Variants in PRKDC observed in about 807,000 individuals in gnomAD.
PRKDC encodes the protein protein kinase, DNA-activated, catalytic subunit.
In PRKDC, 82 loss-of-function variants were observed where a neutral mutation model predicts 486.9. The observed-to-expected ratio is 0.17, with a 90% CI of 0.14 to 0.20. PRKDC has a LOEUF of 0.20. PRKDC is among the 10% of genes least tolerant of loss of function. The probability of loss-of-function intolerance (pLI) is 1.00; values close to 1 mark genes in which losing one functional copy is unlikely to be tolerated. For synonymous variants in PRKDC, 1,895 were observed against 1,837.0 expected (o/e 1.03, Z -0.81); for missense variants, 4,504 against 5,038.2 (o/e 0.89, Z 3.21).
intron 39 of PRKDC, among the ~76,000 whole-genome samples, chr8:47,878,230 C>T (rs1325373841): frequency 2.0e-5 from 3 of 151,666 alleles, no homozygotes; most frequent in Admixed American, 6.6e-5. Flanking sequence ...CTCAGCCTTC[C>T]GAGTAGCTGG....
At chr8:47,783,667 T>G (rs2086738271) in intron 78 of PRKDC, 75 bp downstream of exon 78, 1 of 1,454,456 alleles carries the variant, frequency 6.9e-7, no homozygotes, top group Admixed American at 1.7e-5. Flanking sequence ...TCTCATATAC[T>G]AAAGGCAAAC....
rs1324785672 is a variant in PRKDC at position 47,826,789 on chromosome 8, G to C, written c.8650C>G (p.Leu2884Val). Residue 2884 changes from leucine to valine, a missense_variant, in exon 63 of 86, where the codon CTA becomes GTA. Physicochemically the swap from Leu to Val is conservative, Grantham distance 32. This residue lies in a region of PRKDC where 1,592 missense variants were observed against 1,724.6 expected (regional missense o/e 0.92). Transcript: ENST00000314191. ...AGGCGGATGCCCACGGGCTGCTGTAGGCTGGCCAGGCAACCAGCGCTAACA... is the reference window on the plus strand; with the variant it reads ...AGGCGGATGCCCACGGGCTGCTGTACGCTGGCCAGGCAACCAGCGCTAACA... The part of the protein sequence containing the change: ...AAVSAGCLAS[L>V]QQPVGIRLLE... 3 of 1,609,726 alleles carry C rather than the reference G, an allele frequency of 1.9e-6. No individual in the cohort carries two copies. The highest frequency in any genetic ancestry group is 2.5e-6 in the Non-Finnish European group (3 of 1,178,292).
In PRKDC at chr8:47,778,720, G is replaced by A. The variant is rs758213000; in HGVS notation, c.11651+8C>T. 10 of 1,613,544 alleles carry A rather than the reference G, an allele frequency of 6.2e-6. No individual in the cohort carries two copies. The East Asian group carries it at 1.8e-4, about 29-fold the overall frequency. On this transcript the variant is annotated splice_region_variant and intron_variant, in intron 82 of 85. Transcript: ENST00000314191. ...TCCCACTAAGGGTGAGGGCAGAAGG[G>A]TACTTACTTTAAGAGATCAGCAGGC...
chr8:47,957,174 A>T lies in PRKDC; in HGVS notation c.321T>A (p.Ile107=), dbSNP rs1213151894. ...GQKIAPYSVE[I]KNTCTSVYTK... ...AGGTATGTTTTTTAATTCTTACCTT[A>T]ATTTCAACAGAGTAAGGTGCGATCT... Residue 107 remains isoleucine (I), a synonymous_variant, in exon 3 of 86, where the codon ATT becomes ATA. Coordinates refer to ENST00000314191, the MANE Select transcript of PRKDC (RefSeq NM_006904.7). 1 of 1,560,252 alleles carries T rather than the reference A, an allele frequency of 6.4e-7. No homozygotes were observed. The highest frequency in any genetic ancestry group is 1.1e-5 in the South Asian group (1 of 88,382).
chr8:47,861,567 C>A (rs547681342), intron 44 of PRKDC, among the ~76,000 whole-genome samples: 4 of 152,210 alleles, frequency 2.6e-5, no homozygotes, highest in Non-Finnish European at 5.9e-5. Context: ...CTCTGCCCAC[C>A]TTCCCATTTC....
intron 58 of PRKDC, among the ~76,000 whole-genome samples, chr8:47,834,686 CTTTTTTTTT>C (rs1014285595): frequency 2.1e-5 from 2 of 96,778 alleles, no homozygotes; most frequent in African/African-American, 6.8e-5. Flanking sequence ...GAACCCCTGA[CTTTTTTTTT>C]TTTTTTTTTT....
intron 55 of PRKDC, among the ~76,000 whole-genome samples, 188 bp downstream of exon 55, chr8:47,839,828 G>T (rs1330453511): frequency 1.3e-4 from 20 of 152,082 alleles, no homozygotes; most frequent in Admixed American, 1.3e-3. Flanking sequence ...AACAAAATTA[G>T]CCAGGTATGG....
intron 72 of PRKDC, among the ~76,000 whole-genome samples, chr8:47,798,765 G>A (rs2087033674): frequency 2.0e-5 from 3 of 151,990 alleles, no homozygotes; most frequent in Admixed American, 2.0e-4. Flanking sequence ...AGGACCACTT[G>A]ACTCCATTTA....
intron 21 of PRKDC, among the ~76,000 whole-genome samples, chr8:47,920,442 G>A (rs2090053400): frequency 6.6e-6 from 1 of 152,068 alleles, no homozygotes; most frequent in South Asian, 2.1e-4. Flanking sequence ...GTATTTGGGG[G>A]GTATTGATAA....
In PRKDC at chr8:47,858,956, C is replaced by A; in HGVS notation, c.6238G>T (p.Val2080Leu). The change falls in exon 47 of 86, where the codon GTG becomes TTG. Residue 2080 changes from valine to leucine, a missense_variant. Val to Leu is a conservative substitution (Grantham distance 32). Around this residue, in one of 6 missense-constraint regions of PRKDC, gnomAD observed 1,592 missense variants for 1,724.6 expected, o/e 0.92. Transcript: ENST00000314191. ...AGCTCGTCCATCTCCAGCTCCAGCA[C>A]ATCATCATGCACCGTGGGGTCCCGC... ...EQRDPTVHDDVLELEMDELNR... is the reference protein window; with the variant it reads ...EQRDPTVHDDLLELEMDELNR... 1 of 1,613,510 alleles carries A rather than the reference C, an allele frequency of 6.2e-7. No homozygotes were observed. Among genetic ancestry groups the A allele is most frequent in the Non-Finnish European group, 8.5e-7 (1 of 1,179,896 alleles).
intron 80 of PRKDC, among the ~76,000 whole-genome samples, chr8:47,780,403 AAGGCAGTAC>A (rs1293194148): frequency 6.6e-6 from 1 of 152,210 alleles, no homozygotes; most frequent in Non-Finnish European, 1.5e-5. Context: ...TCCTAGGAAA[AAGGCAGTAC>A]CTGGGCAATG....
intron 11 of PRKDC, among the ~76,000 whole-genome samples, chr8:47,938,891 T>C (rs2090395759): frequency 6.6e-6 from 1 of 152,154 alleles, no homozygotes; most frequent in Admixed American, 6.6e-5. Flanking sequence ...ATATATCTCT[T>C]TCTGTCATAT....
At chr8:47,779,823 C>T (rs1165967047) in intron 80 of PRKDC, among the ~76,000 whole-genome samples, 3 of 151,872 alleles carry the variant, frequency 2.0e-5, no homozygotes, top group East Asian at 1.9e-4. Flanking sequence ...TGCCTGACCT[C>T]GTGATCCGCC....
chr8:47,926,369 C>T (rs2090157035), intron 21 of PRKDC, among the ~76,000 whole-genome samples: 1 of 152,140 alleles, frequency 6.6e-6, no homozygotes, highest in Admixed American at 6.5e-5. Flanking sequence ...ATCTGTCACA[C>T]AACTTTCACT....
chr8:47,951,429 G>C (rs1370971239), intron 7 of PRKDC, among the ~76,000 whole-genome samples: 1 of 151,666 alleles, frequency 6.6e-6, no homozygotes, highest in African/African-American at 2.4e-5. Flanking sequence ...TATCTGTTAA[G>C]AAACTGGTAT....
chr8:47,864,423 C>A, intron 41 of PRKDC, 133 bp downstream of exon 41: 1 of 759,766 alleles, frequency 1.3e-6, no homozygotes. Flanking sequence ...AGGCAGATCC[C>A]ATGTAGCCAC....
intron 85 of PRKDC, among the ~76,000 whole-genome samples, chr8:47,775,211 A>AT (rs1308870551): frequency 1.8e-3 from 264 of 150,584 alleles, no homozygotes; most frequent in African/African-American, 6.2e-3. Flanking sequence ...AAATAAATAA[A>AT]TAAATTAATT....
intron 31 of PRKDC, among the ~76,000 whole-genome samples, chr8:47,891,562 T>C (rs2089457470): frequency 6.6e-6 from 1 of 151,562 alleles, no homozygotes; most frequent in South Asian, 2.1e-4. Context: ...CTACTAAAAA[T>C]ACAAAAAATT....
chr8:47,849,259 A>G lies in PRKDC; in HGVS notation c.7175T>C (p.Val2392Ala), dbSNP rs769486767. 21 of 1,613,744 alleles carry G rather than the reference A, an allele frequency of 1.3e-5. No individual in the cohort carries two copies. In the South Asian group the frequency reaches 2.2e-4, roughly 17 times the overall value. ...VFFLLPKFHG[V>A]LKTLCLEVVL... is the part of the protein sequence containing the mutation. The stretch of plus-strand genomic sequence containing the variant: ...CACCTCCAGACAGAGTGTTTTCAAC[A>G]CTCCATGAAATTTTGGCAGCAGAAA... Residue 2392 changes from valine (V) to alanine (A), a missense_variant, in exon 54 of 86, where the codon GTG becomes GCG. This residue lies in a region of PRKDC where 1,592 missense variants were observed against 1,724.6 expected (regional missense o/e 0.92). Coordinates refer to ENST00000314191, the MANE Select transcript of PRKDC (RefSeq NM_006904.7).
Sources: allele counts gnomAD v4.1 joint callset (sites outside exome capture counted in the v4.1 genomes callset), GRCh38; gene constraint gnomAD v4.1.1; regional missense constraint gnomAD v4.1.1; transcripts MANE v1.5; gene names NCBI Gene and HGNC (gene_info 2026-07-23, HGNC 2026-07-21).